The following FERRY3 variants were observed in gnomAD, a reference collection of about 807,000 sequenced individuals.
FERRY3 encodes the protein FERRY endosomal RAB5 effector complex subunit 3.
the FERRY3 span, among the ~76,000 whole-genome samples, chr12:4,514,986 C>T: frequency 2.0e-4 from 31 of 151,968 alleles, no homozygotes; most frequent in African/African-American, 6.5e-4. Context: ...TGCTAGATGA[C>T]GAGTTAGTGG....
the FERRY3 span, among the ~76,000 whole-genome samples, chr12:4,497,030 C>G: frequency 6.6e-6 from 1 of 152,146 alleles, no homozygotes; most frequent in Non-Finnish European, 1.5e-5. Flanking sequence ...AATTCTATCC[C>G]TAAGTATTTT....
chr12:4,535,553 T>C, the FERRY3 span, among the ~76,000 whole-genome samples: 94 of 152,228 alleles, frequency 6.2e-4, no homozygotes, highest in Non-Finnish European at 1.1e-3. The surrounding 1 kb of genome is among the most constrained non-coding windows in gnomAD (Gnocchi z 4.0). Context: ...CACAGACCTT[T>C]AAAAATGGTT....
At chr12:4,517,704 T>G in the FERRY3 span, among the ~76,000 whole-genome samples, 1 of 140,620 alleles carries the variant, frequency 7.1e-6, no homozygotes, top group African/African-American at 2.9e-5. Context: ...TATATATATA[T>G]ATAGACAGAG....
the FERRY3 span, among the ~76,000 whole-genome samples, chr12:4,493,735 G>T: frequency 7.2e-5 from 11 of 152,226 alleles, no homozygotes; most frequent in South Asian, 1.7e-3. Context: ...CAAGTGTTTG[G>T]TTTTTTTGTA....
chr12:4,517,195 G>A, the FERRY3 span: 5 of 1,527,862 alleles, frequency 3.3e-6, 1 homozygote, highest in South Asian at 5.5e-5. Flanking sequence ...AAAATCTAAG[G>A]GACCCAAAAC....
the FERRY3 span, among the ~76,000 whole-genome samples, chr12:4,538,140 C>G: frequency 6.6e-6 from 1 of 152,126 alleles, no homozygotes; most frequent in Non-Finnish European, 1.5e-5. Flanking sequence ...TCTTTCTCCT[C>G]TCGCTCTTTT....
the FERRY3 span, among the ~76,000 whole-genome samples, chr12:4,530,741 T>C: frequency 6.6e-6 from 1 of 152,026 alleles, no homozygotes; most frequent in Non-Finnish European, 1.5e-5. Context: ...GAGTAAACGC[T>C]GATAGACAAG....
the FERRY3 span, among the ~76,000 whole-genome samples, chr12:4,492,797 T>A: frequency 6.6e-6 from 1 of 152,218 alleles, no homozygotes; most frequent in African/African-American, 2.4e-5. Flanking sequence ...ATTATACTCC[T>A]GTTTTAAGAA....
the FERRY3 span, among the ~76,000 whole-genome samples, chr12:4,497,926 A>G: frequency 2.6e-5 from 4 of 152,228 alleles, no homozygotes; most frequent in African/African-American, 9.6e-5. Flanking sequence ...GGATGCTTGC[A>G]CCAAAGCTAA....
the FERRY3 span, among the ~76,000 whole-genome samples, chr12:4,517,375 T>G: frequency 6.6e-6 from 1 of 152,114 alleles, no homozygotes; most frequent in Admixed American, 6.6e-5. Context: ...ATTAGAGACT[T>G]AACCTCTCTA....
At chr12:4,514,854 A>G in the FERRY3 span, among the ~76,000 whole-genome samples, 2 of 152,156 alleles carry the variant, frequency 1.3e-5, no homozygotes, top group Non-Finnish European at 2.9e-5. Flanking sequence ...TAACCTGCAC[A>G]ATGTGCACAT....
chr12:4,506,256 T>C, the FERRY3 span, among the ~76,000 whole-genome samples: 1 of 152,162 alleles, frequency 6.6e-6, no homozygotes, highest in Non-Finnish European at 1.5e-5. Context: ...TTGGAATCTA[T>C]TTTGGAATGG....
the FERRY3 span, among the ~76,000 whole-genome samples, chr12:4,538,137 C>T: frequency 6.6e-6 from 1 of 152,092 alleles, no homozygotes; most frequent in Non-Finnish European, 1.5e-5. Flanking sequence ...AGTTCTTTCT[C>T]CTCTCGCTCT....
At chr12:4,529,821 T>C in the FERRY3 span, 15 of 1,447,360 alleles carry the variant, frequency 1.0e-5, no homozygotes, top group Non-Finnish European at 1.2e-5. Flanking sequence ...AGGCCATCTA[T>C]TTGACAACGT....
chr12:4,521,242 C>T, the FERRY3 span, among the ~76,000 whole-genome samples: 1 of 152,008 alleles, frequency 6.6e-6, no homozygotes, highest in Non-Finnish European at 1.5e-5. Context: ...GCCTGTAATC[C>T]CAGCTACTTA....
the FERRY3 span, among the ~76,000 whole-genome samples, chr12:4,527,285 T>A: frequency 6.6e-6 from 1 of 152,182 alleles, no homozygotes; most frequent in Non-Finnish European, 1.5e-5. Context: ...TAAAATTTCA[T>A]GAACATTTAT....
chr12:4,532,317 G>GTACAGCA, the FERRY3 span, among the ~76,000 whole-genome samples: 1 of 152,026 alleles, frequency 6.6e-6, no homozygotes, highest in African/African-American at 2.4e-5. Context: ...ACACAGCACT[G>GTACAGCA]TACAGCATAC....
At chr12:4,530,138 T>C in the FERRY3 span, 91 of 1,201,952 alleles carry the variant, frequency 7.6e-5, no homozygotes, top group African/African-American at 1.3e-3. Flanking sequence ...ATTCCATTTT[T>C]GCACTTCAAT....
chr12:4,525,716 T>C, the FERRY3 span: 1 of 632,034 alleles, frequency 1.6e-6, no homozygotes, highest in African/African-American at 1.9e-5. Flanking sequence ...GGAATGAGAA[T>C]TGTAACTGGA....
Sources: allele counts gnomAD v4.1 joint callset (sites outside exome capture counted in the v4.1 genomes callset), GRCh38; gene constraint gnomAD v4.1.1; non-coding constraint Gnocchi (gnomAD v3.1); transcripts MANE v1.5; gene names NCBI Gene and HGNC (gene_info 2026-07-23, HGNC 2026-07-21).